VTI1A: variants seen among roughly 807,000 people sequenced by gnomAD.
VTI1A encodes vesicle transport through interaction with t-SNAREs homolog 1A.
A neutral mutation model predicts 34.9 loss-of-function variants in VTI1A; 22 were observed. The observed-to-expected ratio is 0.63, with a 90% CI of 0.45 to 0.90. The LOEUF is 0.90. Among genes scored for constraint, VTI1A ranks in the 40% least tolerant of loss-of-function variants. The pLI, the probability that VTI1A is intolerant of heterozygous loss-of-function variation, is 0.00. For missense variants in VTI1A, 268 were observed against 275.6 expected, an observed-to-expected ratio of 0.97 and a Z score of 0.20; for synonymous variants, 87 against 97.3, an observed-to-expected ratio of 0.89 and a Z score of 0.62.
chr10:112,513,366 T>G (rs1849677534), intron 3 of VTI1A, among the ~76,000 whole-genome samples: 1 of 152,104 alleles, frequency 6.6e-6, no homozygotes, highest in African/African-American at 2.4e-5. Context: ...GAAACACTAT[T>G]GATTTTTGTA....
chr10:112,794,500 T>C (rs1852604801), intron 7 of VTI1A, among the ~76,000 whole-genome samples: 2 of 152,038 alleles, frequency 1.3e-5, no homozygotes, highest in African/African-American at 2.4e-5. Flanking sequence ...TGCAATGAGC[T>C]ATAATCACGC....
intron 3 of VTI1A, among the ~76,000 whole-genome samples, chr10:112,504,997 T>G (rs1443307151): frequency 6.6e-6 from 1 of 152,182 alleles, no homozygotes; most frequent in Non-Finnish European, 1.5e-5. Flanking sequence ...TATTATTTTT[T>G]TTAATGCTTT....
At chr10:112,733,317 C>T (rs1396787694) in intron 7 of VTI1A, among the ~76,000 whole-genome samples, 1 of 152,098 alleles carries the variant, frequency 6.6e-6, no homozygotes, top group Non-Finnish European at 1.5e-5. Context: ...ATGCAACCCT[C>T]ATGTCTACCT....
At chr10:112,560,133 G>A (rs558455846) in intron 5 of VTI1A, among the ~76,000 whole-genome samples, 6 of 152,270 alleles carry the variant, frequency 3.9e-5, no homozygotes, top group East Asian at 3.9e-4. Context: ...TAGGGTGAGC[G>A]ATGTTTAGTA....
chr10:112,712,335 CTG>C (rs915901504), intron 7 of VTI1A, among the ~76,000 whole-genome samples: 5 of 152,098 alleles, frequency 3.3e-5, no homozygotes, highest in African/African-American at 1.2e-4. Flanking sequence ...AAGCTCATGA[CTG>C]TGGAGGTATG....
At chr10:112,588,862 T>G (rs1844264348) in intron 5 of VTI1A, among the ~76,000 whole-genome samples, 1 of 152,200 alleles carries the variant, frequency 6.6e-6, no homozygotes, top group African/African-American at 2.4e-5. Flanking sequence ...CTCCTTTACT[T>G]CAGGCTTTGT....
At chr10:112,842,063 T>C in the VTI1A span, among the ~76,000 whole-genome samples, 4 of 133,460 alleles carry the variant, frequency 3.0e-5, no homozygotes, top group Admixed American at 7.4e-5. Flanking sequence ...TTTTTTTTTT[T>C]TTTTTTTTTT....
chr10:112,729,284 A>G (rs980734607), intron 7 of VTI1A, among the ~76,000 whole-genome samples: 17 of 152,220 alleles, frequency 1.1e-4, no homozygotes, highest in African/African-American at 4.1e-4. Context: ...TGATAGCAGC[A>G]GAGACCAAAA....
chr10:112,548,891 T>G (rs1205152985), intron 5 of VTI1A: 31 of 1,233,862 alleles, frequency 2.5e-5, no homozygotes, highest in Non-Finnish European at 3.3e-5. Flanking sequence ...TAAAAAATCA[T>G]TTTAGAAGTT....
chr10:112,607,349 C>T (rs1845124151), intron 5 of VTI1A, among the ~76,000 whole-genome samples: 2 of 151,902 alleles, frequency 1.3e-5, no homozygotes, highest in Non-Finnish European at 1.5e-5. Flanking sequence ...ACCATATAGG[C>T]AGGAGGTGAG....
At chr10:112,466,438 T>A (rs544720634) in intron 3 of VTI1A, among the ~76,000 whole-genome samples, 124 of 152,256 alleles carry the variant, frequency 8.1e-4, no homozygotes, top group Non-Finnish European at 1.1e-3. Context: ...TTAAAACTCA[T>A]TATGGGCCCA....
At chr10:112,532,870 T>G (rs1321580609) in intron 4 of VTI1A, among the ~76,000 whole-genome samples, 1 of 152,060 alleles carries the variant, frequency 6.6e-6, no homozygotes, top group African/African-American at 2.4e-5. Context: ...ATGTAGAAAT[T>G]GACTCTTACA....
At chr10:112,688,015 G>T (rs1420962524) in intron 7 of VTI1A, among the ~76,000 whole-genome samples, 1 of 147,858 alleles carries the variant, frequency 6.8e-6, no homozygotes, top group Non-Finnish European at 1.5e-5. Flanking sequence ...TTGCAGTGGC[G>T]CGATCTCAGC....
intron 7 of VTI1A, among the ~76,000 whole-genome samples, chr10:112,803,586 C>G (rs574032956): frequency 1.3e-3 from 202 of 152,320 alleles, no homozygotes; most frequent in Non-Finnish European, 2.2e-3. Flanking sequence ...CTCTCACAGC[C>G]TCAGTGTCCT....
chr10:112,643,343 A>G (rs948537762), intron 5 of VTI1A, among the ~76,000 whole-genome samples: 5 of 152,072 alleles, frequency 3.3e-5, no homozygotes, highest in Non-Finnish European at 5.9e-5. Flanking sequence ...ATTTTGAGAC[A>G]TATAAGTCAG....
At chr10:112,567,734 T>G (rs1453640707) in intron 5 of VTI1A, among the ~76,000 whole-genome samples, 1 of 152,224 alleles carries the variant, frequency 6.6e-6, no homozygotes, top group Non-Finnish European at 1.5e-5. Context: ...TTTGGAGTGC[T>G]TAGCAAGTGC....
intron 5 of VTI1A, among the ~76,000 whole-genome samples, chr10:112,580,439 C>T (rs181867935): frequency 6.6e-6 from 1 of 152,088 alleles, no homozygotes; most frequent in East Asian, 1.9e-4. Flanking sequence ...TCAGCAGGAG[C>T]GGGATTGGAA....
chr10:112,834,590 C>A, the VTI1A span, among the ~76,000 whole-genome samples: 10 of 152,342 alleles, frequency 6.6e-5, no homozygotes, highest in South Asian at 2.1e-3. Flanking sequence ...CAATAAATTT[C>A]AGCTCTTGTT....
intron 7 of VTI1A, among the ~76,000 whole-genome samples, chr10:112,717,601 G>C (rs149616410): frequency 6.6e-6 from 1 of 152,138 alleles, no homozygotes; most frequent in Admixed American, 6.5e-5. Flanking sequence ...CAATCTTACG[G>C]TATGGCAGCC....
Sources: gnomAD v4.1 joint callset for allele counts (sites outside exome capture counted in the v4.1 genomes callset) on GRCh38, gnomAD v4.1.1 for gene constraint, MANE v1.5 for transcripts, NCBI Gene and HGNC (gene_info 2026-07-23, HGNC 2026-07-21) for gene names.